The following ANKRD13D variants were observed in gnomAD, a reference collection of about 807,000 sequenced individuals.
ANKRD13D encodes ankyrin repeat domain-containing protein 13D.
ANKRD13D carries 24 observed loss-of-function variants against 68.8 expected under a neutral mutation model. The observed-to-expected ratio is 0.35, with a 90% CI of 0.25 to 0.49. ANKRD13D has a LOEUF of 0.49. Ranked by LOEUF, ANKRD13D falls within the 20% of genes least tolerant of loss-of-function variation. ANKRD13D has a pLI of 0.99. For missense variants in ANKRD13D, 735 were observed against 832.1 expected (o/e 0.88, Z 1.44); for synonymous variants, 331 against 336.1 (o/e 0.98, Z 0.16).
At position 67,301,968 on chromosome 11, in the gene ANKRD13D, G is replaced by A. The variant is rs1861023694; in HGVS notation, c.1604+145G>A. 7.5e-7 allele frequency: 1 copy of A among 1,331,826 alleles called. No homozygotes were observed. The highest frequency in any genetic ancestry group is 2.7e-5 in the Admixed American group (1 of 36,892). 82.5% of individuals were successfully genotyped at this position (1,331,826 alleles called of 1,614,324 possible). On this transcript the variant is annotated intron_variant, in intron 14 of 14. Transcript: ENST00000511455. This position sits in a 1 kb window ranked among gnomAD's most constrained non-coding sequence, Gnocchi z 4.5. ...CGCTATCTGCCACCAAAGGTGGTGTGAGGGGTGGGGAAGCAGGGCCCTGCC... is the reference window on the plus strand; with the variant it reads ...CGCTATCTGCCACCAAAGGTGGTGTAAGGGGTGGGGAAGCAGGGCCCTGCC...
chr11:67,294,423 T>A (rs745917951), intron 6 of ANKRD13D, among the ~76,000 whole-genome samples: 1 of 152,220 alleles, frequency 6.6e-6, no homozygotes, highest in Non-Finnish European at 1.5e-5. Context: ...TGTTTTTCCA[T>A]TTATTTGGAT....
At chr11:67,296,253 A>AT (rs1191669364) in intron 6 of ANKRD13D, among the ~76,000 whole-genome samples, 3 of 149,476 alleles carry the variant, frequency 2.0e-5, no homozygotes, top group Admixed American at 2.0e-4. Flanking sequence ...CTCTTTGTCT[A>AT]TTTTTTTTAA....
Position 67,302,344 on chromosome 11 carries a change from G to A in ANKRD13D, c.*12G>A, listed in dbSNP as rs538601004. ...TCACTGAGCACTGAGCCATAGCCCC[G>A]GGAGGGCTGGCCAGGCCACTCCCTG... On this transcript the variant is annotated 3_prime_UTR_variant, in exon 15 of 15. Transcript: ENST00000511455. 50 of 1,493,670 alleles carry A rather than the reference G, an allele frequency of 3.3e-5. No individual in the cohort carries two copies. Among genetic ancestry groups the A allele is most frequent in the African/African-American group, 2.5e-4 (18 of 71,890 alleles). 92.5% of individuals were successfully genotyped at this position (1,493,670 alleles called of 1,614,324 possible).
rs148920209 is a variant in ANKRD13D at position 67,299,751 on chromosome 11, A to G, written c.881-76A>G. ...TCTGACCCCTCTTCCCCCAGACAGT[A>G]GGCTCCAGGGGTGGAGGTGGGCAGG... On this transcript the variant is annotated intron_variant, in intron 8 of 14. Transcript: ENST00000511455. This position sits in a 1 kb window ranked among gnomAD's most constrained non-coding sequence, Gnocchi z 6.2. 6 of 1,538,854 alleles carry G rather than the reference A, an allele frequency of 3.9e-6. No homozygotes were observed. In the East Asian group the frequency reaches 1.4e-4, roughly 35 times the overall value.
At chr11:67,295,429 G>T (rs943679083) in intron 6 of ANKRD13D, among the ~76,000 whole-genome samples, 2 of 144,956 alleles carry the variant, frequency 1.4e-5, no homozygotes, top group African/African-American at 5.2e-5. Context: ...AAAAAAAGGG[G>T]GGTGGTTAGA....
chr11:67,290,515 C>T, intron 3 of ANKRD13D, 69 bp downstream of exon 3: 2 of 1,495,752 alleles, frequency 1.3e-6, no homozygotes, highest in Non-Finnish European at 1.8e-6. Flanking sequence ...TGTGCCAGGC[C>T]TGGCCTTGGA....
Position 67,298,936 on chromosome 11 carries a change from C to A in ANKRD13D, c.732-122C>A, listed in dbSNP as rs553957683. The A allele has an allele frequency of 5.1e-6, 5 of 981,476 alleles. No homozygotes were observed. The African/African-American group carries it at 6.4e-5, about 13-fold the overall frequency. The allele number at this position is 981,476 out of a possible 1,614,324, so 60.8% of individuals were successfully genotyped here. A position where few individuals can be genotyped will look rare whatever the true frequency, so the allele number is the denominator to read the frequency against. On this transcript the variant is annotated intron_variant, in intron 6 of 14. Transcript: ENST00000511455. ...TTCAGGGGTCCTCCATGTTTCATAG[C>A]GAGAAGGGGCCCTGAGAGTTGGGCA... is the stretch of plus-strand genomic sequence containing the variant.
Position 67,289,352 on chromosome 11 carries a change from C to G in ANKRD13D, c.-109C>G, listed in dbSNP as rs1860429634. Reference sequence around the variant, plus strand: ...GCCGCCGCCGCCGCCGCCGCTACTGCTGCGGGGGCCGCGGGGGGCGCAGCT... The same window carrying G: ...GCCGCCGCCGCCGCCGCCGCTACTGGTGCGGGGGCCGCGGGGGGCGCAGCT... On this transcript the variant is annotated 5_prime_UTR_variant, in exon 1 of 15. Coordinates refer to ENST00000511455, the MANE Select transcript of ANKRD13D (RefSeq NM_207354.3). The G allele has an allele frequency of 1.3e-6, 1 of 760,668 alleles. No individual in the cohort carries two copies. Among genetic ancestry groups the G allele is most frequent in the Admixed American group, 5.6e-5 (1 of 17,868 alleles). 47.1% of individuals were successfully genotyped at this position (760,668 alleles called of 1,614,324 possible).
chr11:67,298,736 G>T (rs1202258248), intron 6 of ANKRD13D: 2 of 337,624 alleles, frequency 5.9e-6, no homozygotes, highest in African/African-American at 4.1e-5. Flanking sequence ...GTGTGTCAAA[G>T]CTCATCCCAG....
At chr11:67,296,196 G>A (rs757644851) in intron 6 of ANKRD13D, among the ~76,000 whole-genome samples, 3 of 152,084 alleles carry the variant, frequency 2.0e-5, no homozygotes, top group Non-Finnish European at 4.4e-5. Flanking sequence ...TATATGTCTG[G>A]TTTTGGTATC....
chr11:67,302,203 C>T lies in ANKRD13D; in HGVS notation c.1689C>T (p.Pro563=), dbSNP rs750146058. The T allele has an allele frequency of 6.3e-7, 1 of 1,590,668 alleles. No individual in the cohort carries two copies. Among genetic ancestry groups the T allele is most frequent in the Admixed American group, 1.7e-5 (1 of 57,534 alleles). The change falls in exon 15 of 15, where the codon CCC becomes CCT. Residue 563 remains proline (P), a synonymous_variant. Transcript: ENST00000511455. The part of the protein sequence containing the change: ...PPRTPPAPGP[P]SFEEQLRLAL... ...GGACACCCCCAGCCCCCGGTCCACCCAGCTTTGAAGAGCAGCTGCGCCTGG... is the reference window on the plus strand; with the variant it reads ...GGACACCCCCAGCCCCCGGTCCACCTAGCTTTGAAGAGCAGCTGCGCCTGG...
rs1447283998 is a variant in ANKRD13D at position 67,291,514 on chromosome 11, C to T, written c.390C>T (p.Thr130=). ...ACGTTGAGATGAAGTGGGAGTTCACCAGCTGGGGTGAGTGGGGACCTCTGG... is the reference window on the plus strand; with the variant it reads ...ACGTTGAGATGAAGTGGGAGTTCACTAGCTGGGGTGAGTGGGGACCTCTGG... ...DFYVEMKWEF[T]SWVPLVSKMC... The change falls in exon 4 of 15, where the codon ACC becomes ACT. Residue 130 remains threonine (T), a synonymous_variant. Transcript: ENST00000511455. 3 of 1,613,920 alleles carry T rather than the reference C, an allele frequency of 1.9e-6. No homozygotes were observed. Among genetic ancestry groups the T allele is most frequent in the South Asian group, 1.1e-5 (1 of 91,080 alleles).
chr11:67,296,718 C>T (rs1860769059), intron 6 of ANKRD13D, among the ~76,000 whole-genome samples: 1 of 152,130 alleles, frequency 6.6e-6, no homozygotes, highest in Admixed American at 6.6e-5. Context: ...CAGCCTTGAA[C>T]TCCTGGGCTT....
chr11:67,292,130 C>T lies in ANKRD13D; in HGVS notation c.681C>T (p.Thr227=). The stretch of plus-strand genomic sequence containing the variant: ...AGGAGCATGTGGCCAGTCGCCTCAC[C>T]TCTCCTATCGTCTCCACCCACCTGG... ...PSEEHVASRL[T]SPIVSTHLDT... Residue 227 remains threonine (T), a synonymous_variant, in exon 6 of 15, where the codon ACC becomes ACT. Coordinates refer to ENST00000511455, the MANE Select transcript of ANKRD13D (RefSeq NM_207354.3). 1.9e-6 allele frequency: 3 copies of T among 1,612,018 alleles called. No homozygotes were observed. Among genetic ancestry groups the T allele is most frequent in the Non-Finnish European group, 2.5e-6 (3 of 1,178,434 alleles).
At chr11:67,298,017 A>G (rs906352012) in intron 6 of ANKRD13D, 1 of 147,890 alleles carries the variant, frequency 6.8e-6, no homozygotes, top group African/African-American at 2.6e-5. Flanking sequence ...GAAAACATAC[A>G]TTGTATGACT....
rs1268596684 is a variant in ANKRD13D at position 67,302,358 on chromosome 11, G to A, written c.*26G>A. The stretch of plus-strand genomic sequence containing the variant: ...GCCATAGCCCCGGGAGGGCTGGCCA[G>A]GCCACTCCCTGCCCGCTTTTGTAAT... On this transcript the variant is annotated 3_prime_UTR_variant, in exon 15 of 15. Coordinates refer to ENST00000511455, the MANE Select transcript of ANKRD13D (RefSeq NM_207354.3). 1.4e-6 allele frequency: 2 copies of A among 1,466,776 alleles called. No homozygotes were observed. Among genetic ancestry groups the A allele is most frequent in the Non-Finnish European group, 1.8e-6 (2 of 1,102,734 alleles). 90.9% of individuals were successfully genotyped at this position (1,466,776 alleles called of 1,614,324 possible). A position where few individuals can be genotyped will look rare whatever the true frequency, so the allele number is the denominator to read the frequency against.
chr11:67,298,960 C>T, intron 6 of ANKRD13D, 98 bp from the exon 7 acceptor site: 5 of 1,314,400 alleles, frequency 3.8e-6, no homozygotes, highest in Admixed American at 3.4e-5. Flanking sequence ...GAGAGTTGGG[C>T]ACCCCGGGCA....
Position 67,300,839 on chromosome 11 carries a change from C to T in ANKRD13D, c.1074-151C>T, listed in dbSNP as rs1026918251. 62 of 990,934 alleles carry T rather than the reference C, an allele frequency of 6.3e-5. No homozygotes were observed. In the African/African-American group the frequency reaches 6.9e-4, roughly 11 times the overall value. 61.4% of individuals were successfully genotyped at this position (990,934 alleles called of 1,614,324 possible). A position where few individuals can be genotyped will look rare whatever the true frequency, so the allele number is the denominator to read the frequency against. On this transcript the variant is annotated intron_variant, in intron 10 of 14. Coordinates refer to ENST00000511455, the MANE Select transcript of ANKRD13D (RefSeq NM_207354.3). This position sits in a 1 kb window ranked among gnomAD's most constrained non-coding sequence, Gnocchi z 4.3. ...GCCACGTGGCCAGGACACCAGCTCCCGGGGGAGGCGGGCAGCGGCATCTGA... is the reference window on the plus strand; with the variant it reads ...GCCACGTGGCCAGGACACCAGCTCCTGGGGGAGGCGGGCAGCGGCATCTGA...
At position 67,299,704 on chromosome 11, in the gene ANKRD13D, C is replaced by G. The variant is rs541986741; in HGVS notation, c.880+93C>G. On this transcript the variant is annotated intron_variant, in intron 8 of 14. Transcript: ENST00000511455. This position sits in a 1 kb window ranked among gnomAD's most constrained non-coding sequence, Gnocchi z 6.2. ...AGGGGCCAGAGTTTCCCAGGATGAG[C>G]TGGGAGGCCTCCCCATTCCCGTCTG... is the stretch of plus-strand genomic sequence containing the variant. The G allele has an allele frequency of 5.7e-5, 87 of 1,523,802 alleles. No individual in the cohort carries two copies. In the African/African-American group the frequency reaches 1.1e-3, roughly 20 times the overall value. The allele number at this position is 1,523,802 out of a possible 1,614,324, so 94.4% of individuals were successfully genotyped here.
Sources: allele counts gnomAD v4.1 joint callset (sites outside exome capture counted in the v4.1 genomes callset), GRCh38; gene constraint gnomAD v4.1.1; non-coding constraint Gnocchi (gnomAD v3.1); transcripts MANE v1.5; gene names NCBI Gene and HGNC (gene_info 2026-07-23, HGNC 2026-07-21).